Variants in PCDHGA7 observed in about 807,000 individuals in gnomAD.
The protein encoded by PCDHGA7 is protocadherin gamma-A7.
A neutral mutation model predicts 58.3 loss-of-function variants in PCDHGA7; 44 were observed. The ratio of observed to expected loss-of-function variants is 0.75; its 90% CI spans 0.59 to 0.97. The LOEUF (loss-of-function observed/expected upper bound fraction) is 0.97, where lower values mean the gene tolerates loss of function less well. Ranked by LOEUF, PCDHGA7 falls within the 50% of genes least tolerant of loss-of-function variation. The probability of loss-of-function intolerance (pLI) is 0.00; values close to 1 mark genes in which losing one functional copy is unlikely to be tolerated. For missense variants in PCDHGA7, 1,266 were observed against 1,188.7 expected, an observed-to-expected ratio of 1.06 and a Z score of -0.96; for synonymous variants, 516 against 504.2, an observed-to-expected ratio of 1.02 and a Z score of -0.31.
intron 1 of PCDHGA7, chr5:141,433,288 G>A (rs2097582001): frequency 5.3e-6 from 6 of 1,136,424 alleles, no homozygotes; most frequent in Non-Finnish European, 7.5e-6. Flanking sequence ...CAAACTCCTA[G>A]GCTCAAGCAA....
At chr5:141,428,635 G>A (rs1411119011) in intron 1 of PCDHGA7, 1 of 180,288 alleles carries the variant, frequency 5.5e-6, no homozygotes, top group Non-Finnish European at 1.2e-5. Context: ...TAACTCTGTT[G>A]CTCCTACTCA....
chr5:141,443,788 A>C (rs1468852602), intron 1 of PCDHGA7, among the ~76,000 whole-genome samples: 2 of 152,224 alleles, frequency 1.3e-5, no homozygotes, highest in African/African-American at 4.8e-5. Context: ...AGACAAAAAA[A>C]ATGAAAAGGA....
chr5:141,511,560 TC>T lies in PCDHGA7; in HGVS notation c.*390del. ...CCACCCCACTCCAACAGTTCCTCTT[TC>T]CCGAGTAAGGTGGTTGGGGTGTTGA... On this transcript the variant is annotated 3_prime_UTR_variant, in exon 4 of 4. Transcript: ENST00000518325. 3.3e-6 allele frequency: 1 copy of T among 298,990 alleles called. No individual in the cohort carries two copies. The highest frequency in any genetic ancestry group is 3.7e-5 in the South Asian group (1 of 27,250). The allele number at this position is 298,990 out of a possible 1,614,324, so 18.5% of individuals were successfully genotyped here. A position where few individuals can be genotyped will look rare whatever the true frequency, so the allele number is the denominator to read the frequency against.
In PCDHGA7 at chr5:141,422,911, G is replaced by C. The variant is rs375046528; in HGVS notation, c.2424+37588G>C. ...GCTGGACCAGAACGACAATGCGCCC[G>C]AGATCCTGTACCCTGCCCTCCCCAC... On this transcript the variant is annotated intron_variant, in intron 1 of 3. Transcript: ENST00000518325. 41 of 1,614,236 alleles carry C rather than the reference G, an allele frequency of 2.5e-5. No individual in the cohort carries two copies. Among genetic ancestry groups the C allele is most frequent in the Non-Finnish European group, 3.2e-5 (38 of 1,180,046 alleles).
intron 1 of PCDHGA7, among the ~76,000 whole-genome samples, chr5:141,472,980 C>CAAAAAAAAAAAAAAAA (rs60579131): frequency 2.8e-4 from 24 of 86,024 alleles, no homozygotes; most frequent in East Asian, 1.2e-3. Context: ...GAGTGAAACT[C>CAAAAAAAAAAAAAAAA]AAAAAAAAAA....
In PCDHGA7 at chr5:141,383,186, G is replaced by A. The variant is rs760844021; in HGVS notation, c.287G>A (p.Cys96Tyr). Residue 96 changes from cysteine to tyrosine, a missense_variant, in exon 1 of 4, where the codon TGC becomes TAC. Coordinates refer to ENST00000518325, the MANE Select transcript of PCDHGA7 (RefSeq NM_018920.4). ...TAGRIDREEICAQSARCLVNF... is the reference protein window; with the variant it reads ...TAGRIDREEIYAQSARCLVNF... ...GGCAGGATAGACCGGGAAGAGATCTGCGCTCAGAGTGCGCGGTGTCTGGTA... is the reference window on the plus strand; with the variant it reads ...GGCAGGATAGACCGGGAAGAGATCTACGCTCAGAGTGCGCGGTGTCTGGTA... The A allele has an allele frequency of 2.5e-6, 4 of 1,614,100 alleles. No homozygotes were observed. Among genetic ancestry groups the A allele is most frequent in the Non-Finnish European group, 3.4e-6 (4 of 1,179,960 alleles).
intron 1 of PCDHGA7, among the ~76,000 whole-genome samples, chr5:141,464,132 G>A (rs1432411937): frequency 6.6e-6 from 1 of 152,076 alleles, no homozygotes; most frequent in Non-Finnish European, 1.5e-5. Flanking sequence ...GGGTGTGGTG[G>A]TGGGCGCCTG....
Position 141,477,689 on chromosome 5 carries a change from C to T in PCDHGA7, c.2425-17118C>T. The T allele has an allele frequency of 6.2e-7, 1 of 1,614,156 alleles. No individual in the cohort carries two copies. The highest frequency in any genetic ancestry group is 8.5e-7 in the Non-Finnish European group (1 of 1,180,024). ...TGGCATAGTGTCATCCTTAGTGCCC[C>T]TAGACTATGAGGATCGGCGGGAATT... On this transcript the variant is annotated intron_variant, in intron 1 of 3. Transcript: ENST00000518325. This position sits in a 1 kb window ranked among gnomAD's most constrained non-coding sequence, Gnocchi z 4.9.
At chr5:141,427,650 G>C (rs1352503291) in intron 1 of PCDHGA7, 1 of 718,312 alleles carries the variant, frequency 1.4e-6, no homozygotes. Flanking sequence ...AGTCTCCTAC[G>C]TGGTCCACGT....
chr5:141,409,735 C>G lies in PCDHGA7; in HGVS notation c.2424+24412C>G, dbSNP rs763035733. Reference sequence around the variant, plus strand: ...CATACGTGTCAGTGAGCGCGCAGAGCGGGGTGGTGTTCGCGCAGCGCGCCT... The same window carrying G: ...CATACGTGTCAGTGAGCGCGCAGAGGGGGGTGGTGTTCGCGCAGCGCGCCT... On this transcript the variant is annotated intron_variant, in intron 1 of 3. Transcript: ENST00000518325. The G allele has an allele frequency of 3.7e-6, 6 of 1,613,006 alleles. No homozygotes were observed. The African/African-American group carries it at 8.0e-5, about 22-fold the overall frequency.
intron 1 of PCDHGA7, 62 bp from the exon 2 acceptor site, chr5:141,494,745 G>T: frequency 1.2e-6 from 2 of 1,612,802 alleles, no homozygotes; most frequent in African/African-American, 1.3e-5. Context: ...ATCCCTAGGG[G>T]CTCGGGTGAC....
intron 1 of PCDHGA7, chr5:141,484,875 T>G: frequency 3.2e-6 from 1 of 317,108 alleles, no homozygotes; most frequent in Non-Finnish European, 5.8e-6. Context: ...GCGTGGAGGA[T>G]AGGGTGGGCT....
Position 141,438,011 on chromosome 5 carries a change from G to T in PCDHGA7, c.2424+52688G>T, listed in dbSNP as rs189978786. On this transcript the variant is annotated intron_variant, in intron 1 of 3. Coordinates refer to ENST00000518325, the MANE Select transcript of PCDHGA7 (RefSeq NM_018920.4). ...CCACCTCAGCCTCCCAAATAGCTGAGATTACAGGTGTGAGCCACCATGCCC... is the reference window on the plus strand; with the variant it reads ...CCACCTCAGCCTCCCAAATAGCTGATATTACAGGTGTGAGCCACCATGCCC... 2.8e-3 allele frequency among the ~76,000 whole-genome samples: 432 copies of T among 152,220 alleles called. 1 individual carries two copies. The highest frequency in any genetic ancestry group is 0.021 in the Admixed American group (318 of 15,288).
chr5:141,432,133 C>G lies in PCDHGA7; in HGVS notation c.2424+46810C>G. ...CGGTCTTCCCTCAGGCCTCCTATTC[C>G]GCTTATATCCCAGAGAACAATCCCA... On this transcript the variant is annotated intron_variant, in intron 1 of 3. Transcript: ENST00000518325. The surrounding 1 kb of genome is among the most constrained non-coding windows in gnomAD (Gnocchi z 6.0). 1 of 1,614,142 alleles carries G rather than the reference C, an allele frequency of 6.2e-7. No homozygotes were observed. The highest frequency in any genetic ancestry group is 1.1e-5 in the South Asian group (1 of 91,070).
rs774288267 is a variant in PCDHGA7, at chr5:141,392,993, G to A, written c.2424+7670G>A. On this transcript the variant is annotated intron_variant, in intron 1 of 3. Transcript: ENST00000518325. ...TGGGGCTGGACCCCCGGAAGCTGGCGAAGCACGGAGTCCGTATCGTCTCCA... is the reference window on the plus strand; with the variant it reads ...TGGGGCTGGACCCCCGGAAGCTGGCAAAGCACGGAGTCCGTATCGTCTCCA... The A allele has an allele frequency of 5.0e-6, 8 of 1,613,802 alleles. 1 individual carries two copies. In the South Asian group the frequency reaches 6.6e-5, roughly 13 times the overall value.
At chr5:141,494,644 G>A in intron 1 of PCDHGA7, 163 bp from the exon 2 acceptor site, 1 of 933,684 alleles carries the variant, frequency 1.1e-6, no homozygotes. Flanking sequence ...TGAGACCTGA[G>A]GTGTATTTTG....
chr5:141,438,450 A>G (rs1017249043), intron 1 of PCDHGA7, among the ~76,000 whole-genome samples: 32 of 151,738 alleles, frequency 2.1e-4, no homozygotes, highest in African/African-American at 7.5e-4. Flanking sequence ...ACTCAATACA[A>G]TGCTTGAGTT....
chr5:141,491,662 A>C lies in PCDHGA7; in HGVS notation c.2425-3145A>C. 2 of 1,613,770 alleles carry C rather than the reference A, an allele frequency of 1.2e-6. No homozygotes were observed. The highest frequency in any genetic ancestry group is 1.7e-6 in the Non-Finnish European group (2 of 1,180,018). ...AGCTCTGGCGCTGGAGCCTGACGCC[A>C]TCCGGTCCCGCTCTAATACGCTGCG... On this transcript the variant is annotated intron_variant, in intron 1 of 3. Coordinates refer to ENST00000518325, the MANE Select transcript of PCDHGA7 (RefSeq NM_018920.4). This position sits in a 1 kb window ranked among gnomAD's most constrained non-coding sequence, Gnocchi z 6.9.
At position 141,493,512 on chromosome 5, in the gene PCDHGA7, C is replaced by A. The variant is rs1327850681; in HGVS notation, c.2425-1295C>A. The stretch of plus-strand genomic sequence containing the variant: ...CTGTGGCTCCTCATTTCTGAGCAGT[C>A]CCCGCAGCGCAAACTTGGCCAGTTA... On this transcript the variant is annotated intron_variant, in intron 1 of 3. Transcript: ENST00000518325. The surrounding 1 kb of genome is among the most constrained non-coding windows in gnomAD (Gnocchi z 4.3). Among the ~76,000 whole-genome samples the A allele has an allele frequency of 1.3e-5, 2 of 152,148 alleles. No individual in the cohort carries two copies. Among genetic ancestry groups the A allele is most frequent in the South Asian group, 4.1e-4 (2 of 4,824 alleles).
Sources: gnomAD v4.1 joint callset for allele counts (sites outside exome capture counted in the v4.1 genomes callset) on GRCh38, gnomAD v4.1.1 for gene constraint, Gnocchi (gnomAD v3.1) non-coding constraint, MANE v1.5 for transcripts, NCBI Gene and HGNC (gene_info 2026-07-23, HGNC 2026-07-21) for gene names.